Variants in PRKG1 observed in about 807,000 individuals in gnomAD.
The protein encoded by PRKG1 is cGMP-dependent protein kinase 1.
PRKG1 carries 35 observed loss-of-function variants against 88.1 expected under a neutral mutation model. The ratio of observed to expected loss-of-function variants is 0.40; its 90% confidence interval spans 0.30 to 0.53. PRKG1 has a LOEUF of 0.53. Among genes scored for constraint, PRKG1 ranks in the 20% least tolerant of loss-of-function variants. PRKG1 has a pLI of 0.59. For missense variants in PRKG1, 540 were observed against 839.8 expected, an observed-to-expected ratio of 0.64 and a Z score of 4.41; for synonymous variants, 303 against 292.5, an observed-to-expected ratio of 1.04 and a Z score of -0.37.
intron 2 of PRKG1, among the ~76,000 whole-genome samples, chr10:51,380,099 A>C (rs1219698249): frequency 6.6e-6 from 1 of 151,918 alleles, no homozygotes; most frequent in Non-Finnish European, 1.5e-5. Flanking sequence ...TTCTAATTGC[A>C]CTCTCTCTCT....
chr10:51,382,157 C>A, intron 2 of PRKG1, among the ~76,000 whole-genome samples: 2 of 151,196 alleles, frequency 1.3e-5, no homozygotes, highest in African/African-American at 2.4e-5. Context: ...TCTGAAAGGA[C>A]TTAAAATTGA....
chr10:52,108,091 G>T (rs1847467520), intron 7 of PRKG1, among the ~76,000 whole-genome samples: 2 of 152,090 alleles, frequency 1.3e-5, no homozygotes, highest in East Asian at 1.9e-4. Flanking sequence ...ATTTCACAAA[G>T]AAATATGAAA....
At chr10:52,039,169 G>GT (rs919749328) in intron 5 of PRKG1, among the ~76,000 whole-genome samples, 8 of 152,286 alleles carry the variant, frequency 5.3e-5, no homozygotes, top group African/African-American at 1.7e-4. Context: ...CAACATGGCT[G>GT]TTTATTTCAC....
chr10:51,809,183 C>T (rs72799431), intron 4 of PRKG1, among the ~76,000 whole-genome samples: 15,325 of 152,000 alleles, frequency 0.1, 868 homozygotes, highest in African/African-American at 0.14. Flanking sequence ...TTAGATGCCA[C>T]ATCAAACTGT....
intron 12 of PRKG1, among the ~76,000 whole-genome samples, chr10:52,278,403 C>A (rs1841922511): frequency 1.3e-5 from 2 of 152,142 alleles, no homozygotes; most frequent in Admixed American, 1.3e-4. Context: ...GACAGTATGA[C>A]AATTCCTCAA....
chr10:52,268,278 C>T (rs1391464400), intron 10 of PRKG1, among the ~76,000 whole-genome samples: 1 of 152,060 alleles, frequency 6.6e-6, no homozygotes, highest in Non-Finnish European at 1.5e-5. Flanking sequence ...GTAATTAATG[C>T]TTTTTAAATT....
intron 3 of PRKG1, among the ~76,000 whole-genome samples, chr10:51,631,467 C>T (rs76042628): frequency 0.037 from 5,674 of 152,264 alleles, 161 homozygotes; most frequent in South Asian, 0.1. Context: ...AACCCACTTG[C>T]CACTATAAAG....
intron 2 of PRKG1, among the ~76,000 whole-genome samples, chr10:51,406,146 A>C (rs377142894): frequency 5.9e-5 from 9 of 152,216 alleles, no homozygotes; most frequent in African/African-American, 2.2e-4. Context: ...GTGGATAAGC[A>C]CAGCAGCCCG....
intron 2 of PRKG1, among the ~76,000 whole-genome samples, chr10:51,459,081 A>G (rs895947543): frequency 2.0e-5 from 3 of 152,138 alleles, no homozygotes; most frequent in African/African-American, 7.2e-5. Context: ...TCACATTAAT[A>G]TAATTTGCAC....
upstream of PRKG1, among the ~76,000 whole-genome samples, chr10:51,069,564 G>C (rs1843797017): frequency 6.6e-6 from 1 of 152,016 alleles, no homozygotes; most frequent in Non-Finnish European, 1.5e-5. Context: ...CCCCTTTATA[G>C]TCCAAAGACA....
chr10:51,261,908 G>A (rs999871361), intron 2 of PRKG1, among the ~76,000 whole-genome samples: 1 of 109,426 alleles, frequency 9.1e-6, no homozygotes, highest in African/African-American at 4.5e-5. Flanking sequence ...TTTTTGAGAT[G>A]GAGTCTGGCT....
At chr10:51,876,908 C>A (rs927805107) in intron 4 of PRKG1, among the ~76,000 whole-genome samples, 2 of 152,136 alleles carry the variant, frequency 1.3e-5, no homozygotes, top group Non-Finnish European at 2.9e-5. Flanking sequence ...CTCCAGTTCC[C>A]CACAATGGAA....
chr10:51,975,191 A>G (rs182911904), intron 5 of PRKG1, among the ~76,000 whole-genome samples: 2 of 152,148 alleles, frequency 1.3e-5, no homozygotes, highest in Non-Finnish European at 2.9e-5. Flanking sequence ...TTATAGTTAA[A>G]TAGGTTCAGA....
chr10:51,893,329 G>A (rs960245476), intron 4 of PRKG1, among the ~76,000 whole-genome samples: 1 of 151,964 alleles, frequency 6.6e-6, no homozygotes, highest in Non-Finnish European at 1.5e-5. Context: ...AAAATAGCAA[G>A]CAGAAGATAC....
intron 2 of PRKG1, among the ~76,000 whole-genome samples, chr10:51,263,267 T>C (rs868384911): frequency 5.9e-5 from 9 of 152,236 alleles, no homozygotes; most frequent in South Asian, 2.1e-4. Flanking sequence ...ATTGTCTCTT[T>C]CTAAAATTTC....
rs72795181 is a variant in PRKG1 at position 51,564,000 on chromosome 10, T to C, written c.592+96164T>C. Among the ~76,000 whole-genome samples, 492 of 152,260 alleles carry C rather than the reference T, an allele frequency of 3.2e-3. 1 individual carries two copies. Among genetic ancestry groups the C allele is most frequent in the Non-Finnish European group, 4.1e-3 (281 of 67,998 alleles). ...TACTCTTTAGGTAACTGCTTCCCAG[T>C]AAATTAAGACCAATCAGTAAGCTTT... is the stretch of plus-strand genomic sequence containing the variant. On this transcript the variant is annotated intron_variant, in intron 3 of 17. Coordinates refer to ENST00000373980, the MANE Select transcript of PRKG1 (RefSeq NM_006258.4).
intron 9 of PRKG1, among the ~76,000 whole-genome samples, chr10:52,169,454 G>A (rs1838594907): frequency 6.6e-6 from 1 of 152,066 alleles, no homozygotes; most frequent in South Asian, 2.1e-4. Flanking sequence ...TCCCATTCCT[G>A]AGAACTTGCC....
At chr10:51,316,814 C>T (rs1365205799) in intron 2 of PRKG1, among the ~76,000 whole-genome samples, 5 of 152,132 alleles carry the variant, frequency 3.3e-5, no homozygotes. Flanking sequence ...CTTTTCAAGG[C>T]CTATTACAGA....
chr10:51,630,398 G>A (rs1839492889), intron 3 of PRKG1, among the ~76,000 whole-genome samples: 1 of 152,182 alleles, frequency 6.6e-6, no homozygotes, highest in Admixed American at 6.5e-5. Context: ...AGACTGAGAA[G>A]CAACCTCTTT....
Sources: gnomAD v4.1 joint callset for allele counts (sites outside exome capture counted in the v4.1 genomes callset) on GRCh38, gnomAD v4.1.1 for gene constraint, MANE v1.5 for transcripts, NCBI Gene and HGNC (gene_info 2026-07-23, HGNC 2026-07-21) for gene names.